CRLF2: variants seen among roughly 807,000 people sequenced by gnomAD.
CRLF2 encodes cytokine receptor-like factor 2.
In CRLF2, 41 loss-of-function variants were observed where a neutral mutation model predicts 38.7. The ratio of observed to expected loss-of-function variants is 1.06; its 90% CI spans 0.83 to 1.37. The LOEUF is 1.37. Ranked by LOEUF, CRLF2 falls within the 40% of genes most tolerant of loss-of-function variation. The probability of loss-of-function intolerance (pLI) is 0.00; values close to 1 mark genes in which losing one functional copy is unlikely to be tolerated. For synonymous variants in CRLF2, 140 were observed against 128.8 expected, an observed-to-expected ratio of 1.09 and a Z score of -0.59; for missense variants, 377 against 322.2, an observed-to-expected ratio of 1.17 and a Z score of -1.30.
chrX:1,198,772 C>A, intron 4 of CRLF2, 48 bp from the exon 5 acceptor site: 3 of 1,368,192 alleles, frequency 2.2e-6, no homozygotes, highest in Non-Finnish European at 3.1e-6. Flanking sequence ...CACACACACA[C>A]ACACACACAC....
rs1259434408 is a variant in CRLF2, at chrX:1,192,783, C to A, written c.852+435G>T. 2.1e-3 allele frequency among the ~76,000 whole-genome samples: 288 copies of A among 138,026 alleles called. 1 individual carries two copies. The highest frequency in any genetic ancestry group is 7.4e-3 in the African/African-American group (278 of 37,750). The allele number at this position is 138,026 out of a possible 152,430, so 90.6% of individuals were successfully genotyped here. ...TTCTTTCTTTCCTTCCTTCCTCTCT[C>A]CCCCTTTCCTCCCTCCTTCCTTCCC... On this transcript the variant is annotated intron_variant, in intron 7 of 7. Coordinates refer to ENST00000400841, the MANE Select transcript of CRLF2 (RefSeq NM_022148.4).
At chrX:1,198,228 C>G (rs1345956298) in intron 5 of CRLF2, among the ~76,000 whole-genome samples, 32 of 99,520 alleles carry the variant, frequency 3.2e-4, no homozygotes, top group African/African-American at 1.4e-3. Context: ...AGGCAGGACA[C>G]CCTCCCTCCC....
chrX:1,196,748 C>T, intron 6 of CRLF2, 32 bp downstream of exon 6: 1 of 1,610,370 alleles, frequency 6.2e-7, no homozygotes, highest in Non-Finnish European at 8.5e-7. Flanking sequence ...AAGCAGGTCC[C>T]TCCACCCACG....
intron 3 of CRLF2, among the ~76,000 whole-genome samples, chrX:1,205,208 G>A (rs2086671210): frequency 6.6e-6 from 1 of 151,962 alleles, no homozygotes; most frequent in East Asian, 1.9e-4. Flanking sequence ...CAACCAGTGT[G>A]CGTGTAAGAG....
chrX:1,194,299 A>T (rs1163177177), intron 6 of CRLF2, among the ~76,000 whole-genome samples: 75 of 151,622 alleles, frequency 4.9e-4, no homozygotes, highest in African/African-American at 1.7e-3. Context: ...CAAAAAAAAC[A>T]AAATATACAA....
chrX:1,211,411 A>G (rs1196558359), intron 1 of CRLF2, among the ~76,000 whole-genome samples: 6 of 95,060 alleles, frequency 6.3e-5, no homozygotes, highest in African/African-American at 1.7e-4. Context: ...ATAAGTGGAT[A>G]AAAGTGTGGG....
chrX:1,207,120 G>T (rs1434598240), intron 2 of CRLF2, among the ~76,000 whole-genome samples: 1 of 150,424 alleles, frequency 6.6e-6, no homozygotes, highest in Non-Finnish European at 1.5e-5. Flanking sequence ...TAATTTTTGT[G>T]TTTTTAATAG....
chrX:1,197,637 A>C (rs2086510302), intron 5 of CRLF2, among the ~76,000 whole-genome samples: 1 of 151,854 alleles, frequency 6.6e-6, no homozygotes, highest in Admixed American at 6.6e-5. Context: ...AATATGGGGA[A>C]ACGCCATCCC....
intron 4 of CRLF2, 32 bp downstream of exon 4, chrX:1,202,370 C>T (rs1379790170): frequency 6.2e-7 from 1 of 1,612,754 alleles, no homozygotes; most frequent in Middle Eastern, 1.7e-4. Flanking sequence ...CGCTCAGCCA[C>T]CATCGCCCTG....
chrX:1,209,930 C>T (rs1409069246), intron 1 of CRLF2, among the ~76,000 whole-genome samples: 1 of 151,522 alleles, frequency 6.6e-6, no homozygotes. Context: ...GGTGAAACCC[C>T]GTCTCTACTA....
intron 2 of CRLF2, among the ~76,000 whole-genome samples, chrX:1,207,405 G>T (rs1482661397): frequency 1.5e-4 from 23 of 151,586 alleles, no homozygotes; most frequent in Admixed American, 3.3e-4. Context: ...ACAGGCGCAC[G>T]CCCCCGCGCC....
In CRLF2 at chrX:1,198,688, C is replaced by T. The variant is rs2086544050; in HGVS notation, c.520G>A (p.Gly174Ser). Residue 174 changes from glycine (G) to serine (S), a missense_variant, in exon 5 of 8, where the codon GGC (glycine) becomes AGC (serine). Coordinates refer to ENST00000400841, the MANE Select transcript of CRLF2 (RefSeq NM_022148.4). ...QENTCNVTIEGLDAEKCYSFW... is the reference protein window; with the variant it reads ...QENTCNVTIESLDAEKCYSFW... ...GAGTAACACTTCTCGGCATCCAAGC[C>T]TTCTATGGTGACGTTGCAGGTATTT... is the stretch of plus-strand genomic sequence containing the variant. The T allele has an allele frequency of 6.2e-7, 1 of 1,610,122 alleles. No individual in the cohort carries two copies. Among genetic ancestry groups the T allele is most frequent in the Non-Finnish European group, 8.5e-7 (1 of 1,178,134 alleles).
chrX:1,193,643 G>A (rs1224549697), intron 6 of CRLF2, among the ~76,000 whole-genome samples: 270 of 152,012 alleles, frequency 1.8e-3, no homozygotes, highest in African/African-American at 6.1e-3. Flanking sequence ...TTAGCCGGGC[G>A]TGGTGGTGGG....
At chrX:1,195,426 G>A (rs2086457816) in intron 6 of CRLF2, among the ~76,000 whole-genome samples, 1 of 151,926 alleles carries the variant, frequency 6.6e-6, no homozygotes, top group African/African-American at 2.4e-5. Context: ...TTCTTTTTGA[G>A]AGACAGGATC....
intron 7 of CRLF2, among the ~76,000 whole-genome samples, chrX:1,191,445 C>T (rs1380503032): frequency 6.6e-6 from 1 of 151,138 alleles, no homozygotes; most frequent in Non-Finnish European, 1.5e-5. Context: ...ACAGGAAAGC[C>T]CTCTCATCTG....
chrX:1,192,685 CTCTT>C (rs1235971405), intron 7 of CRLF2, among the ~76,000 whole-genome samples: 163 of 135,246 alleles, frequency 1.2e-3, no homozygotes, highest in Non-Finnish European at 1.8e-3. Context: ...CTTTCTTTTT[CTCTT>C]TCTTTTTCTT....
chrX:1,198,175 T>C (rs1363983039), intron 5 of CRLF2, among the ~76,000 whole-genome samples: 3 of 123,556 alleles, frequency 2.4e-5, no homozygotes, highest in Non-Finnish European at 3.4e-5. Context: ...ACACCCTCCC[T>C]CCCACCTCCC....
At chrX:1,191,893 T>G (rs1298319963) in intron 7 of CRLF2, among the ~76,000 whole-genome samples, 1 of 151,910 alleles carries the variant, frequency 6.6e-6, no homozygotes, top group Non-Finnish European at 1.5e-5. Context: ...CCAAGGTGAT[T>G]CCAAAGTTAA....
At chrX:1,200,913 G>A (rs1267216340) in intron 4 of CRLF2, among the ~76,000 whole-genome samples, 4 of 139,566 alleles carry the variant, frequency 2.9e-5, no homozygotes, top group South Asian at 2.4e-4. Context: ...ATTGCTTAAC[G>A]ATGGGGACAT....
Sources: allele counts gnomAD v4.1 joint callset (sites outside exome capture counted in the v4.1 genomes callset), GRCh38; gene constraint gnomAD v4.1.1; transcripts MANE v1.5; gene names NCBI Gene and HGNC (gene_info 2026-07-23, HGNC 2026-07-21).